Variants in RASSF1 observed in about 807,000 individuals in gnomAD.
RASSF1 encodes the protein Ras association domain family member 1.
In RASSF1, 33 loss-of-function variants were observed where a neutral mutation model predicts 34.3. That is an observed-to-expected ratio of 0.96 (90% CI 0.73 to 1.29). The LOEUF (loss-of-function observed/expected upper bound fraction) is 1.29. Among genes scored for constraint, RASSF1 ranks in the 50% most tolerant of loss-of-function variants. The pLI is 0.00. For synonymous variants in RASSF1, 191 were observed against 195.0 expected (o/e 0.98, Z 0.17); for missense variants, 445 against 471.8 (o/e 0.94, Z 0.53).
chr3:50,331,928 G>A, intron 3 of RASSF1, 72 bp from the exon 4 acceptor site: 4 of 1,554,354 alleles, frequency 2.6e-6, no homozygotes, highest in Non-Finnish European at 3.5e-6. Flanking sequence ...GGGCTAGGCT[G>A]GGTATGCACA....
At chr3:50,331,964 T>C (rs1304254227) in intron 3 of RASSF1, 86 bp downstream of exon 3, 1 of 1,565,978 alleles carries the variant, frequency 6.4e-7, no homozygotes. Context: ...CCACCCAAGA[T>C]AACCTCAGTT....
At chr3:50,332,220 T>C (rs920575384) in intron 2 of RASSF1, 66 bp from the exon 3 acceptor site, 5 of 1,404,676 alleles carry the variant, frequency 3.6e-6, no homozygotes, top group Non-Finnish European at 5.0e-6. Context: ...AAAAATGGCC[T>C]CTGGGGCAGT....
At chr3:50,338,746 C>A (rs996784967) in intron 1 of RASSF1, among the ~76,000 whole-genome samples, 2 of 152,202 alleles carry the variant, frequency 1.3e-5, no homozygotes, top group Non-Finnish European at 2.9e-5. Context: ...CCCCTCTACC[C>A]ACTCCAGCCA....
At chr3:50,339,360 CTTTTTTT>C (rs1017192174) in intron 1 of RASSF1, among the ~76,000 whole-genome samples, 28 of 104,458 alleles carry the variant, frequency 2.7e-4, no homozygotes, top group African/African-American at 1.1e-3. Context: ...CAGCCTTGTT[CTTTTTTT>C]TTTTTTTTTT....
Position 50,337,798 on chromosome 3 carries a change from G to T in RASSF1, c.357+107C>A, listed in dbSNP as rs1575547174. ...GCCTCTCTGTGCCGCCGGGAAATCG[G>T]CAATTAGAACGCTCCTTGCGCGCGG... On this transcript the variant is annotated intron_variant, in intron 2 of 5. Coordinates refer to ENST00000359365, the MANE Select transcript of RASSF1 (RefSeq NM_007182.5). 10 of 1,174,618 alleles carry T rather than the reference G, an allele frequency of 8.5e-6. No homozygotes were observed. In the East Asian group the frequency reaches 2.5e-4, roughly 29 times the overall value. The allele number at this position is 1,174,618 out of a possible 1,614,324, so 72.8% of individuals were successfully genotyped here. A position where few individuals can be genotyped will look rare whatever the true frequency, so the allele number is the denominator to read the frequency against.
chr3:50,340,469 C>T, intron 1 of RASSF1, 87 bp downstream of exon 1: 2 of 1,370,704 alleles, frequency 1.5e-6, no homozygotes, highest in South Asian at 1.6e-5. Flanking sequence ...CCCCGCCGAC[C>T]CCCTCTGCCG....
At position 50,330,833 on chromosome 3, in the gene RASSF1, G is replaced by A. The variant is rs947457349; in HGVS notation, c.877-106C>T. On this transcript the variant is annotated intron_variant, in intron 5 of 5. Coordinates refer to ENST00000359365, the MANE Select transcript of RASSF1 (RefSeq NM_007182.5). The surrounding 1 kb of genome is among the most constrained non-coding windows in gnomAD (Gnocchi z 4.5). ...CTCATGTTCACACAAGCTAGGACTG[G>A]GCTTTCTGATGTCAGGCTCTTGGCT... 4 of 1,291,452 alleles carry A rather than the reference G, an allele frequency of 3.1e-6. No individual in the cohort carries two copies. The highest frequency in any genetic ancestry group is 2.4e-5 in the Admixed American group (1 of 41,664). 80.0% of individuals were successfully genotyped at this position (1,291,452 alleles called of 1,614,324 possible).
intron 2 of RASSF1, chr3:50,337,308 C>G: frequency 6.2e-7 from 1 of 1,612,634 alleles, no homozygotes; most frequent in Non-Finnish European, 8.5e-7. Context: ...AAGGCGCCTC[C>G]GCCTCGCCCA....
Position 50,340,571 on chromosome 3 carries a change from C to T in RASSF1, c.235G>A (p.Gly79Ser), listed in dbSNP as rs897966232. Residue 79 changes from glycine to serine, a missense_variant, in exon 1 of 6, where the codon GGC becomes AGC. Physicochemically the swap from Gly to Ser is moderately conservative, Grantham distance 56. Transcript: ENST00000359365. ...CACTACTCACGCGCGCACTGCAGGCCTTTGCGCACGACGCCCCAGATGAAG... is the reference window on the plus strand; with the variant it reads ...CACTACTCACGCGCGCACTGCAGGCTTTTGCGCACGACGCCCCAGATGAAG... ...GDFIWGVVRK[G>S]LQCAHCKFTC... 7 of 1,542,936 alleles carry T rather than the reference C, an allele frequency of 4.5e-6. No homozygotes were observed. Among genetic ancestry groups the T allele is most frequent in the Non-Finnish European group, 5.2e-6 (6 of 1,155,898 alleles).
chr3:50,331,111 A>G (rs901542753), intron 5 of RASSF1, among the ~76,000 whole-genome samples: 1 of 152,244 alleles, frequency 6.6e-6, no homozygotes, highest in African/African-American at 2.4e-5. Flanking sequence ...CCACACCAGG[A>G]AAGATCAAAG....
At chr3:50,339,628 C>T (rs587610703) in intron 1 of RASSF1, among the ~76,000 whole-genome samples, 2 of 152,218 alleles carry the variant, frequency 1.3e-5, no homozygotes, top group South Asian at 2.1e-4. Flanking sequence ...CTCCGCCTTC[C>T]GAAGTGCTGG....
At chr3:50,340,436 C>CTAGGTCCCGA in intron 1 of RASSF1, 120 bp downstream of exon 1, 3 of 1,291,182 alleles carry the variant, frequency 2.3e-6, no homozygotes, top group Non-Finnish European at 3.0e-6. Flanking sequence ...GCGAAAGTAA[C>CTAGGTCCCGA]GGACCTAGTC....
rs770381735 is a variant in RASSF1 at position 50,331,354 on chromosome 3, T to C, written c.856A>G (p.Asn286Asp). The C allele has an allele frequency of 1.9e-6, 3 of 1,599,578 alleles. No individual in the cohort carries two copies. The highest frequency in any genetic ancestry group is 3.5e-5 in the Admixed American group (2 of 57,946). Residue 286 changes from asparagine (N) to aspartate (D), a missense_variant, in exon 5 of 6, where the codon AAT becomes GAT. Transcript: ENST00000359365. ...CTCACGTTCACCTCCCCAGAGTCATTTTCCTTCAGGACAAAGCTCAGGGCC... is the reference window on the plus strand; with the variant it reads ...CTCACGTTCACCTCCCCAGAGTCATCTTCCTTCAGGACAAAGCTCAGGGCC... ...DKALSFVLKE[N>D]DSGEVNWDAF...
At position 50,339,652 on chromosome 3, in the gene RASSF1, A is replaced by G. The variant is rs141853307; in HGVS notation, c.250+904T>C. Among the ~76,000 whole-genome samples the G allele has an allele frequency of 5.0e-3, 767 of 152,138 alleles. 8 individuals are homozygous for G. The highest frequency in any genetic ancestry group is 0.017 in the African/African-American group (726 of 41,492). On this transcript the variant is annotated intron_variant, in intron 1 of 5. Coordinates refer to ENST00000359365, the MANE Select transcript of RASSF1 (RefSeq NM_007182.5). ...CCGAAGTGCTGGGATTACAGGCATG[A>G]GCCACCGCGCTCGGCCCCTTGTTCA...
rs587672267 is a variant in RASSF1 at position 50,332,750 on chromosome 3, T to C, written c.358-596A>G. 7.2e-5 allele frequency among the ~76,000 whole-genome samples: 11 copies of C among 152,120 alleles called. No individual in the cohort carries two copies. In the South Asian group the frequency reaches 2.1e-3, roughly 29 times the overall value. On this transcript the variant is annotated intron_variant, in intron 2 of 5. Transcript: ENST00000359365. Reference sequence around the variant, plus strand: ...GCAGCTACAGTAAGCTATTATCGTGTCACTGCACTCCAGCCTGGGGAACTG... The same window carrying C: ...GCAGCTACAGTAAGCTATTATCGTGCCACTGCACTCCAGCCTGGGGAACTG...
chr3:50,331,284 C>G (rs947488356), intron 5 of RASSF1, 50 bp downstream of exon 5: 1 of 1,321,204 alleles, frequency 7.6e-7, no homozygotes, highest in Non-Finnish European at 1.0e-6. Flanking sequence ...TAGCTACAGC[C>G]CATCAGTCCT....
At chr3:50,339,932 G>A (rs587768521) in intron 1 of RASSF1, among the ~76,000 whole-genome samples, 11 of 152,296 alleles carry the variant, frequency 7.2e-5, no homozygotes, top group African/African-American at 2.2e-4. Context: ...CCAGGCTAGC[G>A]GGGAGGACTG....
intron 3 of RASSF1, 59 bp from the exon 4 acceptor site, chr3:50,331,915 T>G (rs1022828804): frequency 1.3e-6 from 2 of 1,549,964 alleles, no homozygotes; most frequent in Non-Finnish European, 1.7e-6. Flanking sequence ...GTCAGTCTAC[T>G]TGGGGCTAGG....
At position 50,332,324 on chromosome 3, in the gene RASSF1, T is replaced by C. The variant is rs587770960; in HGVS notation, c.358-170A>G. Reference sequence around the variant, plus strand: ...ACCCACCACTGCTCCTGGTTTTGCATGCTCTGGGTGGATAAGGGAAAGACA... The same window carrying C: ...ACCCACCACTGCTCCTGGTTTTGCACGCTCTGGGTGGATAAGGGAAAGACA... On this transcript the variant is annotated intron_variant, in intron 2 of 5. Transcript: ENST00000359365. Among the ~76,000 whole-genome samples, 190 of 152,350 alleles carry C rather than the reference T, an allele frequency of 1.2e-3. 1 individual carries two copies. Among genetic ancestry groups the C allele is most frequent in the Non-Finnish European group, 8.2e-4 (56 of 68,032 alleles).
Sources: gnomAD v4.1 joint callset for allele counts (sites outside exome capture counted in the v4.1 genomes callset) on GRCh38, gnomAD v4.1.1 for gene constraint, Gnocchi (gnomAD v3.1) non-coding constraint, MANE v1.5 for transcripts, NCBI Gene and HGNC (gene_info 2026-07-23, HGNC 2026-07-21) for gene names.